The following KCNQ5 variants were observed in gnomAD, a reference collection of about 807,000 sequenced individuals.
KCNQ5 encodes the protein potassium voltage-gated channel subfamily Q member 5.
KCNQ5 carries 30 observed loss-of-function variants against 98.2 expected under a neutral mutation model. The ratio of observed to expected loss-of-function variants is 0.31; its 90% confidence interval spans 0.23 to 0.41. The LOEUF (loss-of-function observed/expected upper bound fraction) is 0.41. Among genes scored for constraint, KCNQ5 ranks in the 10% least tolerant of loss-of-function variants. The probability of loss-of-function intolerance (pLI) is 1.00; values close to 1 mark genes in which losing one functional copy is unlikely to be tolerated. For synonymous variants in KCNQ5, 458 were observed against 449.4 expected (o/e 1.02, Z -0.24); for missense variants, 835 against 1,182.5 (o/e 0.71, Z 4.31).
At chr6:72,815,304 G>A (rs1237519768) in intron 1 of KCNQ5, among the ~76,000 whole-genome samples, 1 of 152,080 alleles carries the variant, frequency 6.6e-6, no homozygotes, top group Non-Finnish European at 1.5e-5. Context: ...TGTAATAAAA[G>A]GTTAAAATCA....
chr6:73,176,932 G>A (rs1778235419), intron 11 of KCNQ5, among the ~76,000 whole-genome samples: 2 of 152,146 alleles, frequency 1.3e-5, no homozygotes, highest in East Asian at 1.9e-4. Flanking sequence ...TCACCCCAGG[G>A]AGTAAAAAGA....
intron 1 of KCNQ5, among the ~76,000 whole-genome samples, chr6:72,709,491 G>T (rs1254606854): frequency 1.3e-5 from 2 of 152,080 alleles, no homozygotes; most frequent in African/African-American, 4.8e-5. Flanking sequence ...CAGAGATTTG[G>T]CCCAGAAAAG....
At chr6:72,709,669 A>G (rs1199053740) in intron 1 of KCNQ5, among the ~76,000 whole-genome samples, 1 of 152,230 alleles carries the variant, frequency 6.6e-6, no homozygotes, top group Non-Finnish European at 1.5e-5. Flanking sequence ...TTTACTAAGA[A>G]CACACCATGT....
chr6:72,668,789 A>G (rs1325039819), intron 1 of KCNQ5, among the ~76,000 whole-genome samples: 1 of 146,340 alleles, frequency 6.8e-6, no homozygotes, highest in African/African-American at 2.5e-5. Context: ...GCAGCCACCT[A>G]CAAACCAGAA....
intron 1 of KCNQ5, among the ~76,000 whole-genome samples, chr6:72,849,297 A>G (rs1777149136): frequency 6.6e-6 from 1 of 152,164 alleles, no homozygotes; most frequent in African/African-American, 2.4e-5. Context: ...TCCTTTGGGT[A>G]GATACCAAGT....
At chr6:72,844,089 G>A (rs1238854912) in intron 1 of KCNQ5, among the ~76,000 whole-genome samples, 3 of 152,082 alleles carry the variant, frequency 2.0e-5, no homozygotes, top group South Asian at 2.1e-4. Flanking sequence ...AAACCACCAC[G>A]GCACACGTAT....
At chr6:73,003,588 C>G (rs1311117985) in intron 1 of KCNQ5, among the ~76,000 whole-genome samples, 1 of 152,092 alleles carries the variant, frequency 6.6e-6, no homozygotes, top group Non-Finnish European at 1.5e-5. Flanking sequence ...TTCTGGGCCT[C>G]TCTCAGGATC....
chr6:72,852,893 A>G (rs1191019972), intron 1 of KCNQ5, among the ~76,000 whole-genome samples: 1 of 151,840 alleles, frequency 6.6e-6, no homozygotes, highest in Non-Finnish European at 1.5e-5. Flanking sequence ...TCTCTACATG[A>G]TGAAATATTA....
intron 1 of KCNQ5, among the ~76,000 whole-genome samples, chr6:72,785,655 A>C (rs1773701395): frequency 6.6e-6 from 1 of 152,012 alleles, no homozygotes. Flanking sequence ...CATCTCAAAA[A>C]AAAAAAACAA....
intron 5 of KCNQ5, among the ~76,000 whole-genome samples, chr6:73,090,085 C>T (rs931360632): frequency 2.0e-5 from 3 of 147,128 alleles, no homozygotes; most frequent in African/African-American, 4.9e-5. Context: ...TATTTTTCCA[C>T]TTTTTTATTA....
At chr6:73,107,580 C>T (rs1022425917) in intron 6 of KCNQ5, among the ~76,000 whole-genome samples, 1 of 152,118 alleles carries the variant, frequency 6.6e-6, no homozygotes, top group Non-Finnish European at 1.5e-5. Context: ...GGTCAACAAA[C>T]CTCTGGAAGT....
chr6:72,757,378 A>G (rs1772024116), intron 1 of KCNQ5, among the ~76,000 whole-genome samples: 2 of 152,170 alleles, frequency 1.3e-5, no homozygotes, highest in African/African-American at 4.8e-5. Flanking sequence ...TCCATTTATG[A>G]TGGGGTTATG....
At chr6:72,777,100 A>G (rs1027636052) in intron 1 of KCNQ5, among the ~76,000 whole-genome samples, 7 of 152,236 alleles carry the variant, frequency 4.6e-5, no homozygotes, top group African/African-American at 1.7e-4. Context: ...GGGAGCTGAG[A>G]TGGATGAAAC....
intron 1 of KCNQ5, among the ~76,000 whole-genome samples, chr6:72,831,566 C>T (rs1470489773): frequency 7.3e-6 from 1 of 136,158 alleles, no homozygotes; most frequent in Non-Finnish European, 1.5e-5. Flanking sequence ...ACATCACACA[C>T]CGGGGCCTGT....
intron 1 of KCNQ5, among the ~76,000 whole-genome samples, chr6:72,936,316 T>A (rs1214944211): frequency 6.6e-6 from 1 of 152,246 alleles, no homozygotes; most frequent in Non-Finnish European, 1.5e-5. Flanking sequence ...TTTATTTTCT[T>A]GTGCCTGATC....
At chr6:73,158,176 G>T in intron 10 of KCNQ5, 1 of 335,794 alleles carries the variant, frequency 3.0e-6, no homozygotes, top group East Asian at 7.6e-5. Context: ...GGAAGGGAAC[G>T]TCCGGGCGAG....
chr6:72,730,212 C>A (rs1415574225), intron 1 of KCNQ5, among the ~76,000 whole-genome samples: 1 of 152,030 alleles, frequency 6.6e-6, no homozygotes, highest in Non-Finnish European at 1.5e-5. Context: ...TCTGTAGGAC[C>A]TGCATATATG....
At chr6:72,750,853 A>G (rs1364252713) in intron 1 of KCNQ5, among the ~76,000 whole-genome samples, 1 of 152,076 alleles carries the variant, frequency 6.6e-6, no homozygotes, top group Non-Finnish European at 1.5e-5. Flanking sequence ...AGTGACCTTA[A>G]AAAGGATTTT....
At chr6:72,715,508 C>T (rs111893880) in intron 1 of KCNQ5, among the ~76,000 whole-genome samples, 2,031 of 152,164 alleles carry the variant, frequency 0.013, 33 homozygotes, top group African/African-American at 0.042. Context: ...GACAAGATCA[C>T]GAAGCACAGG....
Sources: allele counts gnomAD v4.1 joint callset (sites outside exome capture counted in the v4.1 genomes callset), GRCh38; gene constraint gnomAD v4.1.1; transcripts MANE v1.5; gene names NCBI Gene and HGNC (gene_info 2026-07-23, HGNC 2026-07-21).